The following NCOA6 variants were observed in gnomAD, a reference collection of about 807,000 sequenced individuals.
NCOA6 encodes nuclear receptor coactivator 6, also known as NRC RAP250.
In NCOA6, 49 loss-of-function variants were observed where a neutral mutation model predicts 171.4. That is an observed-to-expected ratio of 0.29 (90% CI 0.23 to 0.36). The LOEUF (loss-of-function observed/expected upper bound fraction) is 0.36, where lower values mean the gene tolerates loss of function less well. NCOA6 is among the 10% of genes least tolerant of loss of function. The pLI is 1.00. For synonymous variants in NCOA6, 910 were observed against 927.5 expected (o/e 0.98, Z 0.34); for missense variants, 2,248 against 2,554.5 (o/e 0.88, Z 2.59).
At chr20:34,755,312 T>C (rs2076610304) in intron 7 of NCOA6, among the ~76,000 whole-genome samples, 1 of 152,236 alleles carries the variant, frequency 6.6e-6, no homozygotes, top group African/African-American at 2.4e-5. Context: ...GGTCCTGATA[T>C]TAAGGATAGA....
chr20:34,781,751 T>C (rs1054350702), intron 3 of NCOA6, among the ~76,000 whole-genome samples: 2 of 152,208 alleles, frequency 1.3e-5, no homozygotes, highest in Non-Finnish European at 2.9e-5. Context: ...AGCAGATTCA[T>C]GGAATAATAA....
chr20:34,776,450 T>C lies in NCOA6; in HGVS notation c.236-2A>G. 6.2e-7 allele frequency: 1 copy of C among 1,613,312 alleles called. No individual in the cohort carries two copies. The highest frequency in any genetic ancestry group is 8.5e-7 in the Non-Finnish European group (1 of 1,179,750). On this transcript the variant is annotated splice_acceptor_variant, in intron 3 of 14. Coordinates refer to ENST00000359003, the MANE Select transcript of NCOA6 (RefSeq NM_014071.5). LOFTEE classifies it high-confidence loss of function. ...TCTGTACTTTTAGCTTGCTGGACTCTTGATTGTGAAAGAAAAAGAATTATA... is the reference window on the plus strand; with the variant it reads ...TCTGTACTTTTAGCTTGCTGGACTCCTGATTGTGAAAGAAAAAGAATTATA...
chr20:34,753,055 T>G (rs2076538101), intron 8 of NCOA6, among the ~76,000 whole-genome samples: 1 of 151,598 alleles, frequency 6.6e-6, no homozygotes, highest in South Asian at 2.1e-4. Flanking sequence ...ATACTTTTTT[T>G]TTTTTGAGAT....
At chr20:34,740,035 G>A (rs751527358) in intron 11 of NCOA6, among the ~76,000 whole-genome samples, 2 of 152,002 alleles carry the variant, frequency 1.3e-5, no homozygotes, top group Non-Finnish European at 2.9e-5. Flanking sequence ...GCTAATTTTT[G>A]AATTTTTAGT....
chr20:34,776,456 G>A lies in NCOA6; in HGVS notation c.236-8C>T. The A allele has an allele frequency of 6.2e-7, 1 of 1,612,708 alleles. No homozygotes were observed. Among genetic ancestry groups the A allele is most frequent in the Non-Finnish European group, 8.5e-7 (1 of 1,179,414 alleles). ...CTTTTAGCTTGCTGGACTCTTGATT[G>A]TGAAAGAAAAAGAATTATATTAATA... On this transcript the variant is annotated splice_polypyrimidine_tract_variant and splice_region_variant and intron_variant, in intron 3 of 14. Coordinates refer to ENST00000359003, the MANE Select transcript of NCOA6 (RefSeq NM_014071.5).
intron 1 of NCOA6, among the ~76,000 whole-genome samples, chr20:34,793,637 A>G (rs576535671): frequency 6.6e-6 from 1 of 152,242 alleles, no homozygotes; most frequent in South Asian, 2.1e-4. Flanking sequence ...AAAAATAATA[A>G]TAAAGCCATA....
chr20:34,801,338 A>G (rs911748048), intron 1 of NCOA6, among the ~76,000 whole-genome samples: 2 of 152,096 alleles, frequency 1.3e-5, no homozygotes, highest in African/African-American at 4.8e-5. Flanking sequence ...AATTAGTAGA[A>G]GAAAAGAAAT....
intron 14 of NCOA6, among the ~76,000 whole-genome samples, chr20:34,722,031 G>T: frequency 7.5e-6 from 1 of 132,786 alleles, no homozygotes; most frequent in East Asian, 2.3e-4. Context: ...CTCTAGCCTG[G>T]GTGACACAGT....
At position 34,741,404 on chromosome 20, in the gene NCOA6, T is replaced by C. The variant is rs149244697; in HGVS notation, c.4852A>G (p.Thr1618Ala). 1.1e-5 allele frequency: 17 copies of C among 1,614,070 alleles called. No homozygotes were observed. The African/African-American group carries it at 1.1e-4, about 10-fold the overall frequency. Residue 1618 changes from threonine (T) to alanine (A), a missense_variant, in exon 11 of 15, where the codon ACT becomes GCT. Physicochemically the swap from Thr to Ala is moderately conservative, Grantham distance 58. Transcript: ENST00000359003. ...TSANTSAALP[T>A]HLQSALMSTV... ...GACATCAATGCAGACTGCAAGTGAG[T>C]TGGCAAAGCTGCTGATGTGTTAGCT...
intron 5 of NCOA6, among the ~76,000 whole-genome samples, chr20:34,766,359 G>A (rs765937320): frequency 1.3e-5 from 2 of 152,068 alleles, no homozygotes; most frequent in Non-Finnish European, 2.9e-5. Flanking sequence ...GTTCATGCCT[G>A]TAATCCCAGC....
intron 1 of NCOA6, among the ~76,000 whole-genome samples, chr20:34,801,535 A>G (rs1490505339): frequency 6.6e-6 from 1 of 152,226 alleles, no homozygotes; most frequent in Non-Finnish European, 1.5e-5. Flanking sequence ...TCAGAAATTC[A>G]AAGGATCGTT....
At chr20:34,747,449 T>C (rs1465908513) in intron 9 of NCOA6, among the ~76,000 whole-genome samples, 1 of 152,220 alleles carries the variant, frequency 6.6e-6, no homozygotes, top group African/African-American at 2.4e-5. Flanking sequence ...TGCTGCAGAA[T>C]GAGAATTTGC....
chr20:34,751,376 CAAAAAAAAAA>C (rs35848122), intron 8 of NCOA6, among the ~76,000 whole-genome samples: 1 of 68,294 alleles, frequency 1.5e-5, no homozygotes, highest in African/African-American at 6.0e-5. Context: ...GACTCCGTCT[CAAAAAAAAAA>C]AAAAAAAAAA....
intron 2 of NCOA6, among the ~76,000 whole-genome samples, chr20:34,792,245 A>G (rs1409726441): frequency 6.6e-6 from 1 of 152,158 alleles, no homozygotes; most frequent in African/African-American, 2.4e-5. Flanking sequence ...ATTATCATTT[A>G]TAAAAAAGAT....
intron 14 of NCOA6, among the ~76,000 whole-genome samples, chr20:34,721,545 A>G (rs1193256791): frequency 6.6e-6 from 1 of 152,108 alleles, no homozygotes; most frequent in African/African-American, 2.4e-5. Context: ...CATTAGTTAG[A>G]TTCTTATAAG....
Position 34,749,543 on chromosome 20 carries a change from G to A in NCOA6, c.2652C>T (p.Ser884=). 6.2e-7 allele frequency: 1 copy of A among 1,614,148 alleles called. No homozygotes were observed. The highest frequency in any genetic ancestry group is 8.5e-7 in the Non-Finnish European group (1 of 1,180,042). Residue 884 remains serine, a synonymous_variant, in exon 9 of 15, where the codon AGC becomes AGT. Transcript: ENST00000359003. Reference sequence around the variant, plus strand: ...TCTGCAATAAGTTGACCAACAATGGGCTCGTTAGCGTGACATCCTTATTGA... The same window carrying A: ...TCTGCAATAAGTTGACCAACAATGGACTCGTTAGCGTGACATCCTTATTGA... ...FPVNKDVTLT[S]PLLVNLLQSD... is the part of the protein sequence containing the mutation.
At chr20:34,733,026 C>T (rs1397263602) in intron 12 of NCOA6, 1 of 156,722 alleles carries the variant, frequency 6.4e-6, no homozygotes, top group African/African-American at 2.4e-5. Flanking sequence ...CATTCTTCTC[C>T]AAAGGACTTC....
At chr20:34,777,116 CAAAA>C (rs1157021055) in intron 3 of NCOA6, among the ~76,000 whole-genome samples, 4 of 43,838 alleles carry the variant, frequency 9.1e-5, no homozygotes, top group East Asian at 6.2e-4. Flanking sequence ...GACTCCGTCT[CAAAA>C]AAAAAAAAAA....
chr20:34,777,305 G>A (rs183018442), intron 3 of NCOA6, among the ~76,000 whole-genome samples: 1 of 152,058 alleles, frequency 6.6e-6, no homozygotes, highest in African/African-American at 2.4e-5. Context: ...CAATGGTGAA[G>A]ATACGGAGAA....
Sources: gnomAD v4.1 joint callset for allele counts (sites outside exome capture counted in the v4.1 genomes callset) on GRCh38, gnomAD v4.1.1 for gene constraint, MANE v1.5 for transcripts, NCBI Gene and HGNC (gene_info 2026-07-23, HGNC 2026-07-21) for gene names.